Variants in RPTOR observed in about 807,000 individuals in gnomAD.
RPTOR encodes regulatory associated protein of MTOR complex 1.
A neutral mutation model predicts 169.9 loss-of-function variants in RPTOR; 21 were observed. That is an observed-to-expected ratio of 0.12 (90% CI 0.09 to 0.18). The LOEUF is 0.18. Among genes scored for constraint, RPTOR ranks in the 10% least tolerant of loss-of-function variants. The probability of loss-of-function intolerance (pLI) is 1.00; values close to 1 mark genes in which losing one functional copy is unlikely to be tolerated. For synonymous variants in RPTOR, 732 were observed against 753.2 expected, an observed-to-expected ratio of 0.97 and a Z score of 0.46; for missense variants, 1,133 against 1,855.9, an observed-to-expected ratio of 0.61 and a Z score of 7.16.
chr17:80,747,278 C>T (rs914221964), intron 5 of RPTOR, among the ~76,000 whole-genome samples: 2 of 152,186 alleles, frequency 1.3e-5, no homozygotes, highest in African/African-American at 4.8e-5. Context: ...AAAGAGCTCT[C>T]CTGTGTACTC....
At position 80,860,248 on chromosome 17, in the gene RPTOR, C is replaced by T. The variant is rs778576716; in HGVS notation, c.1509+2348C>T. On this transcript the variant is annotated intron_variant, in intron 13 of 33. Coordinates refer to ENST00000306801, the MANE Select transcript of RPTOR (RefSeq NM_020761.3). This position sits in a 1 kb window ranked among gnomAD's most constrained non-coding sequence, Gnocchi z 5.8. ...ACTGGCCACCAGGACCTGCTGTGCT[C>T]GCTGAAGCTGCCCTGTTGGGCTTTG... Among the ~76,000 whole-genome samples, 4 of 152,224 alleles carry T rather than the reference C, an allele frequency of 2.6e-5. No individual in the cohort carries two copies. The highest frequency in any genetic ancestry group is 7.2e-5 in the African/African-American group (3 of 41,466).
intron 1 of RPTOR, among the ~76,000 whole-genome samples, chr17:80,622,818 G>A (rs920395235): frequency 1.3e-5 from 2 of 152,120 alleles, no homozygotes; most frequent in South Asian, 2.1e-4. Flanking sequence ...TGGGAGGATC[G>A]CTTGAGCCCA....
At chr17:80,873,322 G>A (rs1028184312) in intron 13 of RPTOR, among the ~76,000 whole-genome samples, 14 of 152,032 alleles carry the variant, frequency 9.2e-5, no homozygotes, top group African/African-American at 2.4e-4. Flanking sequence ...ATTGGCATAC[G>A]TGATCTGGAA....
chr17:80,870,955 C>G (rs1037937604), intron 13 of RPTOR, among the ~76,000 whole-genome samples: 1 of 152,122 alleles, frequency 6.6e-6, no homozygotes, highest in African/African-American at 2.4e-5. Context: ...TTTTTCTGTC[C>G]CAGGATCCCA....
intron 1 of RPTOR, among the ~76,000 whole-genome samples, chr17:80,611,728 A>C (rs1175847378): frequency 2.0e-5 from 3 of 151,464 alleles, no homozygotes; most frequent in Non-Finnish European, 4.4e-5. Flanking sequence ...AAATTTCTTC[A>C]GCTGTTTCAA....
chr17:80,895,230 C>T (rs1230044702), intron 20 of RPTOR, among the ~76,000 whole-genome samples: 2 of 152,244 alleles, frequency 1.3e-5, no homozygotes, highest in Non-Finnish European at 2.9e-5. Flanking sequence ...GCCTGGGCAT[C>T]GGTGGGGAAG....
intron 7 of RPTOR, chr17:80,805,739 C>G (rs1349002030): frequency 1.3e-5 from 2 of 152,080 alleles, no homozygotes; most frequent in African/African-American, 4.8e-5. Context: ...GGGGAATTAC[C>G]CCTCGCCTCG....
At chr17:80,926,615 T>C (rs970882632) in intron 24 of RPTOR, among the ~76,000 whole-genome samples, 14 of 152,256 alleles carry the variant, frequency 9.2e-5, no homozygotes, top group African/African-American at 3.4e-4. Context: ...TTGGAGCTAC[T>C]GAAAAGTTAA....
intron 6 of RPTOR, among the ~76,000 whole-genome samples, chr17:80,771,906 A>G (rs889080028): frequency 6.6e-6 from 1 of 152,004 alleles, no homozygotes; most frequent in Non-Finnish European, 1.5e-5. Flanking sequence ...TGCAGCCTCG[A>G]CCTCCTAGGC....
chr17:80,693,210 G>A (rs1420441208), intron 3 of RPTOR, among the ~76,000 whole-genome samples: 1 of 152,172 alleles, frequency 6.6e-6, no homozygotes, highest in Admixed American at 6.5e-5. Context: ...TGTGCTGTGC[G>A]GACAGTCACA....
intron 13 of RPTOR, among the ~76,000 whole-genome samples, chr17:80,863,017 A>G (rs1309933636): frequency 6.6e-6 from 1 of 152,114 alleles, no homozygotes; most frequent in East Asian, 1.9e-4. Flanking sequence ...CTCATTTCCC[A>G]AGCACCTTTG....
rs531859927 is a variant in RPTOR at position 80,624,778 on chromosome 17, A to G, written c.163-913A>G. Among the ~76,000 whole-genome samples the G allele has an allele frequency of 3.9e-5, 6 of 152,348 alleles. No homozygotes were observed. In the South Asian group the frequency reaches 1.2e-3, roughly 32 times the overall value. On this transcript the variant is annotated intron_variant, in intron 1 of 33. Transcript: ENST00000306801. ...AATGTAAAACAGAAACACTGTACCA[A>G]AATACATGTCTTCCCTCACTCAGCA...
At chr17:80,762,386 G>A (rs1014584323) in intron 6 of RPTOR, among the ~76,000 whole-genome samples, 2 of 152,168 alleles carry the variant, frequency 1.3e-5, no homozygotes, top group African/African-American at 2.4e-5. Context: ...TGAGGGGTGA[G>A]GCCGGAGGAG....
At chr17:80,667,314 G>A (rs1310404936) in intron 3 of RPTOR, among the ~76,000 whole-genome samples, 1 of 152,156 alleles carries the variant, frequency 6.6e-6, no homozygotes, top group Admixed American at 6.5e-5. Flanking sequence ...GGGAGACCAG[G>A]GCTGGGCAAG....
At chr17:80,555,851 A>G (rs1409673540) in intron 1 of RPTOR, among the ~76,000 whole-genome samples, 1 of 151,766 alleles carries the variant, frequency 6.6e-6, no homozygotes, top group Non-Finnish European at 1.5e-5. Flanking sequence ...GAAATACCTT[A>G]TTGGCTATGG....
At chr17:80,776,089 C>T (rs1000782600) in intron 6 of RPTOR, among the ~76,000 whole-genome samples, 3 of 151,998 alleles carry the variant, frequency 2.0e-5, no homozygotes, top group Admixed American at 6.5e-5. Flanking sequence ...GTCTCAGCTA[C>T]GTGGAAAGCT....
At chr17:80,914,464 C>T (rs2068648930) in intron 21 of RPTOR, among the ~76,000 whole-genome samples, 2 of 152,242 alleles carry the variant, frequency 1.3e-5, no homozygotes, top group Non-Finnish European at 2.9e-5. Context: ...CTCCCAGGTG[C>T]AGCTGCAGCC....
chr17:80,925,271 C>T (rs959219436), intron 23 of RPTOR, 99 bp from the exon 24 acceptor site: 1 of 976,062 alleles, frequency 1.0e-6, no homozygotes, highest in East Asian at 2.6e-5. Context: ...GTGCTCCCGG[C>T]AGCGCCTTTG....
intron 1 of RPTOR, among the ~76,000 whole-genome samples, chr17:80,580,272 A>T (rs529349883): frequency 6.6e-6 from 1 of 152,304 alleles, no homozygotes; most frequent in South Asian, 2.1e-4. Context: ...TTTTCTCAGT[A>T]TGGTTTCTGG....
Sources: gnomAD v4.1 joint callset for allele counts (sites outside exome capture counted in the v4.1 genomes callset) on GRCh38, gnomAD v4.1.1 for gene constraint, Gnocchi (gnomAD v3.1) non-coding constraint, MANE v1.5 for transcripts, NCBI Gene and HGNC (gene_info 2026-07-23, HGNC 2026-07-21) for gene names.